The following OR2C1 variants were observed in gnomAD, a reference collection of about 807,000 sequenced individuals.
OR2C1 encodes the protein olfactory receptor 2C1.
For synonymous variants in OR2C1, 209 were observed against 167.3 expected (o/e 1.25, Z -1.92); for missense variants, 468 against 388.3 (o/e 1.21, Z -1.73).
the OR2C1 span, among the ~76,000 whole-genome samples, chr16:3,339,278 T>G: frequency 1.1e-4 from 17 of 152,264 alleles, no homozygotes; most frequent in African/African-American, 1.4e-4. Flanking sequence ...ACATTAGTTT[T>G]TTTTTTTTTT....
chr16:3,325,895 G>A, the OR2C1 span, among the ~76,000 whole-genome samples: 1 of 151,462 alleles, frequency 6.6e-6, no homozygotes, highest in Non-Finnish European at 1.5e-5. Context: ...TCCAAAGCAT[G>A]GAGGTATTAT....
chr16:3,330,713 T>A, the OR2C1 span, among the ~76,000 whole-genome samples: 1 of 152,184 alleles, frequency 6.6e-6, no homozygotes, highest in Non-Finnish European at 1.5e-5. Context: ...TTCTTTATGC[T>A]AAGAACATTT....
At chr16:3,338,640 C>T in the OR2C1 span, among the ~76,000 whole-genome samples, 1 of 145,308 alleles carries the variant, frequency 6.9e-6, no homozygotes, top group Non-Finnish European at 1.5e-5. Flanking sequence ...CGGGTTCACG[C>T]CATTCCCCTT....
At chr16:3,341,848 C>G in the OR2C1 span, among the ~76,000 whole-genome samples, 1 of 152,198 alleles carries the variant, frequency 6.6e-6, no homozygotes, top group Non-Finnish European at 1.5e-5. Context: ...CAGCTCCTCT[C>G]TCCTCCATGG....
At chr16:3,328,502 T>C in the OR2C1 span, among the ~76,000 whole-genome samples, 1 of 152,228 alleles carries the variant, frequency 6.6e-6, no homozygotes, top group African/African-American at 2.4e-5. Context: ...TTGGTCACTT[T>C]TTATGTATCA....
the OR2C1 span, among the ~76,000 whole-genome samples, chr16:3,342,427 T>C: frequency 3.9e-5 from 6 of 152,168 alleles, no homozygotes; most frequent in African/African-American, 1.4e-4. Flanking sequence ...CTAAGAACTA[T>C]TGCAAATGGG....
chr16:3,325,460 A>AATATAT, the OR2C1 span, among the ~76,000 whole-genome samples: 870 of 92,812 alleles, frequency 9.4e-3, 10 homozygotes, highest in Non-Finnish European at 0.011. Flanking sequence ...TATGTCTAAA[A>AATATAT]ATATATATAT....
chr16:3,338,538 CTTT>C, the OR2C1 span, among the ~76,000 whole-genome samples: 6 of 103,286 alleles, frequency 5.8e-5, 1 homozygote, highest in East Asian at 3.6e-4. Flanking sequence ...GTATAGGTAC[CTTT>C]TTTTTTTTTT....
chr16:3,358,070 C>T (rs1000860031), downstream of OR2C1, among the ~76,000 whole-genome samples: 1 of 151,868 alleles, frequency 6.6e-6, no homozygotes, highest in Non-Finnish European at 1.5e-5. Flanking sequence ...TTACCCTCTC[C>T]CTTATGCCTA....
the OR2C1 span, among the ~76,000 whole-genome samples, chr16:3,336,772 GA>G: frequency 7.9e-6 from 1 of 126,388 alleles, no homozygotes; most frequent in Non-Finnish European, 1.6e-5. Flanking sequence ...GCAGTGGCAT[GA>G]TCTCTGCTCA....
chr16:3,323,314 A>G, the OR2C1 span: 4 of 1,063,726 alleles, frequency 3.8e-6, no homozygotes, highest in South Asian at 4.9e-5. Flanking sequence ...GGGCAAAAGA[A>G]CCATGAGATC....
upstream of OR2C1, among the ~76,000 whole-genome samples, chr16:3,352,542 A>T (rs113188640): frequency 3.3e-5 from 5 of 152,140 alleles, no homozygotes; most frequent in East Asian, 1.9e-4. Context: ...TAAATTTACT[A>T]TTAACTATGT....
the OR2C1 span, among the ~76,000 whole-genome samples, chr16:3,335,071 A>T: frequency 1.3e-5 from 2 of 151,958 alleles, no homozygotes; most frequent in Non-Finnish European, 2.9e-5. Flanking sequence ...TGCCCGCCTC[A>T]GCCTCCCAAA....
Position 3,356,140 on chromosome 16 carries a change from C to T in OR2C1, c.200C>T (p.Ser67Phe). The T allele has an allele frequency of 1.2e-6, 2 of 1,614,226 alleles. No individual in the cohort carries two copies. The highest frequency in any genetic ancestry group is 1.7e-6 in the Non-Finnish European group (2 of 1,180,054). Residue 67 changes from serine (S) to phenylalanine (F), a missense_variant, in exon 1 of 1, where the codon TCC becomes TTC. Transcript: ENST00000304936. ...ATGTACTTCTTCCTCAGCAACCTCT[C>T]CTCCTTGGACCTTGCTTTCGCTACT... ...TPMYFFLSNLSSLDLAFATSS... is the reference protein window; with the variant it reads ...TPMYFFLSNLFSLDLAFATSS...
At chr16:3,330,255 C>G in the OR2C1 span, among the ~76,000 whole-genome samples, 2 of 151,832 alleles carry the variant, frequency 1.3e-5, no homozygotes, top group Non-Finnish European at 2.9e-5. Flanking sequence ...TATAGGCGCC[C>G]GCCACCACAC....
chr16:3,346,473 G>C, the OR2C1 span, among the ~76,000 whole-genome samples: 2 of 151,970 alleles, frequency 1.3e-5, no homozygotes, highest in African/African-American at 2.4e-5. Flanking sequence ...CCCTTGAGTG[G>C]GCCACCCAGT....
chr16:3,349,656 CAG>C, the OR2C1 span, among the ~76,000 whole-genome samples: 3 of 151,848 alleles, frequency 2.0e-5, no homozygotes, highest in South Asian at 2.1e-4. Flanking sequence ...GAGAGGCGAA[CAG>C]GGGGGAAAAA....
upstream of OR2C1, among the ~76,000 whole-genome samples, chr16:3,355,700 T>G (rs999026168): frequency 6.6e-6 from 1 of 152,028 alleles, no homozygotes; most frequent in African/African-American, 2.4e-5. Context: ...GAGGATTGCT[T>G]GAGCCAGGGA....
upstream of OR2C1, among the ~76,000 whole-genome samples, chr16:3,354,319 C>T (rs759092861): frequency 6.6e-6 from 1 of 152,150 alleles, no homozygotes; most frequent in Non-Finnish European, 1.5e-5. Context: ...ATGATTTAGA[C>T]GTGGACACAG....
Sources: allele counts gnomAD v4.1 joint callset (sites outside exome capture counted in the v4.1 genomes callset), GRCh38; gene constraint gnomAD v4.1.1; transcripts MANE v1.5; gene names NCBI Gene and HGNC (gene_info 2026-07-23, HGNC 2026-07-21).